The following CDK12 variants were observed in gnomAD, a reference collection of about 807,000 sequenced individuals.
CDK12 encodes cyclin-dependent kinase 12.
CDK12 carries 17 observed loss-of-function variants against 133.8 expected under a neutral mutation model. That is an observed-to-expected ratio of 0.13 (90% CI 0.09 to 0.19). CDK12 has a LOEUF of 0.19. CDK12 is among the 10% of genes least tolerant of loss of function. The pLI, the probability that CDK12 is intolerant of heterozygous loss-of-function variation, is 1.00. For synonymous variants in CDK12, 694 were observed against 683.6 expected (o/e 1.02, Z -0.24); for missense variants, 1,508 against 1,818.7 (o/e 0.83, Z 3.11).
At position 39,525,986 on chromosome 17, in the gene CDK12, C is replaced by A. The variant is rs2146715234; in HGVS notation, c.3430C>A (p.Pro1144Thr). ...ACAGCTGCTTAACATCCACTCCAAC[C>A]CAGAGATGCAGCAGCAGCTGGAAGC... ...MAQLLNIHSN[P>T]EMQQQLEALN... Residue 1144 changes from proline to threonine, a missense_variant, in exon 13 of 14, where the codon CCA (proline) becomes ACA (threonine). By Grantham distance (38) the Pro-to-Thr change is conservative (BLOSUM62 -1). Coordinates refer to ENST00000447079, the MANE Select transcript of CDK12 (RefSeq NM_016507.4). 1 of 1,614,176 alleles carries A rather than the reference C, an allele frequency of 6.2e-7. No homozygotes were observed. Among genetic ancestry groups the A allele is most frequent in the Non-Finnish European group, 8.5e-7 (1 of 1,180,028 alleles).
chr17:39,519,869 C>G, intron 10 of CDK12, 87 bp from the exon 11 acceptor site: 1 of 1,502,654 alleles, frequency 6.7e-7, no homozygotes, highest in East Asian at 2.3e-5. Context: ...GCTGGAATTA[C>G]AGGTGTGAGA....
intron 2 of CDK12, among the ~76,000 whole-genome samples, chr17:39,472,023 G>A (rs1281611501): frequency 1.3e-5 from 2 of 151,720 alleles, no homozygotes; most frequent in African/African-American, 2.4e-5. Flanking sequence ...TTGCTCTGTC[G>A]CCCAGGCTGT....
In CDK12 at chr17:39,509,695, T is replaced by C; in HGVS notation, c.2610-10T>C. On this transcript the variant is annotated splice_polypyrimidine_tract_variant and intron_variant, in intron 6 of 13. Transcript: ENST00000447079. ...ATGGCTTATGAAAATAATTGTTTTT[T>C]GTTTTACAGTGGGCAAATCAAACTA... The C allele has an allele frequency of 6.2e-7, 1 of 1,609,496 alleles. No homozygotes were observed. Among genetic ancestry groups the C allele is most frequent in the African/African-American group, 1.3e-5 (1 of 74,984 alleles).
chr17:39,464,144 T>C (rs2049132323), intron 1 of CDK12, among the ~76,000 whole-genome samples: 1 of 152,144 alleles, frequency 6.6e-6, no homozygotes, highest in Non-Finnish European at 1.5e-5. Flanking sequence ...TTGTACATAA[T>C]ATCACTCAGT....
chr17:39,476,501 C>T (rs541784183), intron 2 of CDK12, among the ~76,000 whole-genome samples: 41 of 150,646 alleles, frequency 2.7e-4, no homozygotes, highest in African/African-American at 1.0e-3. Flanking sequence ...GCTGCATCCG[C>T]CTCCCGGGTT....
At chr17:39,468,650 T>C (rs746194497) in intron 1 of CDK12, among the ~76,000 whole-genome samples, 16 of 151,416 alleles carry the variant, frequency 1.1e-4, no homozygotes, top group Non-Finnish European at 2.1e-4. Flanking sequence ...TAATTTTGTA[T>C]TTTTAGTAGA....
At chr17:39,511,214 CAAAAAAAAAAAAA>C (rs59984042) in intron 7 of CDK12, among the ~76,000 whole-genome samples, 4 of 74,854 alleles carry the variant, frequency 5.3e-5, no homozygotes, top group East Asian at 3.9e-4. Context: ...GACACCGTCT[CAAAAAAAAAAAAA>C]AAAAAAAAAA....
At position 39,530,873 on chromosome 17, in the gene CDK12, C is replaced by T; in HGVS notation, c.4030C>T (p.Pro1344Ser). 1 of 1,614,202 alleles carries T rather than the reference C, an allele frequency of 6.2e-7. No homozygotes were observed. Among genetic ancestry groups the T allele is most frequent in the Non-Finnish European group, 8.5e-7 (1 of 1,180,044 alleles). The part of the protein sequence containing the change: ...PNRTYGNTDG[P>S]ETGFSAIDTD... ...CAGGACTTATGGAAACACTGATGGG[C>T]CTGAAACAGGGTTCAGTGCCATTGA... The change falls in exon 14 of 14, where the codon CCT becomes TCT. Residue 1344 changes from proline (P) to serine (S), a missense_variant. Physicochemically the swap from Pro to Ser is moderately conservative, Grantham distance 74. Around this residue, in one of 9 missense-constraint regions of CDK12, gnomAD observed 399 missense variants for 469.6 expected, o/e 0.85. Coordinates refer to ENST00000447079, the MANE Select transcript of CDK12 (RefSeq NM_016507.4).
intron 3 of CDK12, among the ~76,000 whole-genome samples, chr17:39,564,020 C>T (rs12944298): frequency 0.053 from 8,005 of 152,250 alleles, 679 homozygotes; most frequent in African/African-American, 0.18. Flanking sequence ...CCTGTCCTCT[C>T]ATTCTCTCCT....
chr17:39,486,652 G>A (rs561881108), intron 2 of CDK12, among the ~76,000 whole-genome samples: 7 of 152,118 alleles, frequency 4.6e-5, no homozygotes, highest in African/African-American at 7.2e-5. Flanking sequence ...AGAATATTCC[G>A]ACAGTGGTTG....
intron 2 of CDK12, among the ~76,000 whole-genome samples, chr17:39,482,015 C>CATTTTT (rs773073791): frequency 7.3e-5 from 7 of 96,228 alleles, no homozygotes; most frequent in Middle Eastern, 7.6e-3. Context: ...CCTGGCTTGC[C>CATTTTT]TTTTTTTTTT....
In CDK12 at chr17:39,517,542, A is replaced by G; in HGVS notation, c.2949A>G (p.Arg983=). The G allele has an allele frequency of 1.3e-6, 2 of 1,596,258 alleles. No homozygotes were observed. Among genetic ancestry groups the G allele is most frequent in the South Asian group, 2.2e-5 (2 of 90,714 alleles). The change falls in exon 10 of 14, where the codon CGA becomes CGG. Residue 983 remains arginine, a synonymous_variant. Coordinates refer to ENST00000447079, the MANE Select transcript of CDK12 (RefSeq NM_016507.4). ...KPKKQYRRRL[R]EEFSFIPSAA... is the part of the protein sequence containing the mutation. ...AGAAGCAATATCGAAGGCGTCTACG[A>G]GAAGAATTCTCTTTGTGAGTTTGGG...
At chr17:39,527,662 C>T (rs1237995949) in intron 13 of CDK12, among the ~76,000 whole-genome samples, 1 of 152,064 alleles carries the variant, frequency 6.6e-6, no homozygotes, top group Admixed American at 6.6e-5. Context: ...ATTCTCCTGC[C>T]TCAGCCTCCT....
chr17:39,508,058 T>C (rs2053243765), intron 6 of CDK12, among the ~76,000 whole-genome samples: 1 of 152,188 alleles, frequency 6.6e-6, no homozygotes, highest in African/African-American at 2.4e-5. Flanking sequence ...GAGAATTCTT[T>C]TGGATTTCAG....
At chr17:39,561,410 C>T (rs994964125) in intron 3 of CDK12, among the ~76,000 whole-genome samples, 3 of 152,162 alleles carry the variant, frequency 2.0e-5, no homozygotes, top group African/African-American at 7.2e-5. Flanking sequence ...GTAGAGAGGG[C>T]ATGAGCACAG....
At chr17:39,550,875 C>CA (rs2055926612) in intron 1 of CDK12, 2 of 145,958 alleles carry the variant, frequency 1.4e-5, no homozygotes, top group South Asian at 2.2e-4. Context: ...CCAAAAAATA[C>CA]AAAAAAATTA....
chr17:39,500,926 T>C (rs2052672320), intron 5 of CDK12, among the ~76,000 whole-genome samples: 1 of 151,452 alleles, frequency 6.6e-6, no homozygotes, highest in African/African-American at 2.4e-5. Context: ...AAGATGAGGT[T>C]TCATTCACCA....
intron 1 of CDK12, among the ~76,000 whole-genome samples, chr17:39,465,700 A>C (rs1270010057): frequency 6.6e-6 from 1 of 152,002 alleles, no homozygotes; most frequent in Non-Finnish European, 1.5e-5. Context: ...CATGTTGGCC[A>C]GGTTGGTCTC....
At chr17:39,555,644 G>T (rs1342835661) in intron 2 of CDK12, among the ~76,000 whole-genome samples, 1 of 151,814 alleles carries the variant, frequency 6.6e-6, no homozygotes, top group East Asian at 1.9e-4. Flanking sequence ...GGGATCTTGG[G>T]TCTTCCAGGC....
Sources: allele counts gnomAD v4.1 joint callset (sites outside exome capture counted in the v4.1 genomes callset), GRCh38; gene constraint gnomAD v4.1.1; regional missense constraint gnomAD v4.1.1; transcripts MANE v1.5; gene names NCBI Gene and HGNC (gene_info 2026-07-23, HGNC 2026-07-21).